The following ANGPT1 variants were observed in gnomAD, a reference collection of about 807,000 sequenced individuals.
The protein encoded by ANGPT1 is angiopoietin 1, also known as angiopoietin-1.
ANGPT1 carries 17 observed loss-of-function variants against 62.2 expected under a neutral mutation model. That is an observed-to-expected ratio of 0.27 (90% CI 0.19 to 0.41). ANGPT1 has a LOEUF of 0.41. ANGPT1 is among the 10% of genes least tolerant of loss of function. ANGPT1 has a pLI of 1.00. For missense variants in ANGPT1, 478 were observed against 594.9 expected (o/e 0.80, Z 2.04); for synonymous variants, 199 against 198.9 (o/e 1.00, Z 0.00).
chr8:107,348,125 C>G (rs1233337308), intron 1 of ANGPT1, among the ~76,000 whole-genome samples: 2 of 152,160 alleles, frequency 1.3e-5, no homozygotes, highest in Non-Finnish European at 2.9e-5. Flanking sequence ...ACCACAAAAT[C>G]AGCCAGACTT....
intron 1 of ANGPT1, among the ~76,000 whole-genome samples, chr8:107,371,989 A>T (rs992637688): frequency 1.3e-5 from 2 of 152,162 alleles, no homozygotes; most frequent in Admixed American, 1.3e-4. Flanking sequence ...ATCATTGAAA[A>T]TATATGTATC....
chr8:107,365,856 A>AAC (rs10627552), intron 1 of ANGPT1, among the ~76,000 whole-genome samples: 14,822 of 146,986 alleles, frequency 0.1, 806 homozygotes, highest in African/African-American at 0.13. Flanking sequence ...AAACAAATAC[A>AAC]ACACACACAC....
chr8:107,489,620 T>A (rs1174391604), intron 1 of ANGPT1, among the ~76,000 whole-genome samples: 1 of 152,188 alleles, frequency 6.6e-6, no homozygotes. Flanking sequence ...TTATTTCGAA[T>A]TAGATAACAG....
chr8:107,360,828 G>C (rs1343996701), intron 1 of ANGPT1, among the ~76,000 whole-genome samples: 1 of 152,040 alleles, frequency 6.6e-6, no homozygotes, highest in Non-Finnish European at 1.5e-5. Flanking sequence ...CCACTCTCAC[G>C]CTTAGAAATA....
intron 4 of ANGPT1, among the ~76,000 whole-genome samples, chr8:107,321,438 T>G (rs951667299): frequency 6.6e-6 from 1 of 152,164 alleles, no homozygotes; most frequent in East Asian, 1.9e-4. Flanking sequence ...TCCGTTTCTC[T>G]GCAACCCACA....
intron 1 of ANGPT1, among the ~76,000 whole-genome samples, chr8:107,384,164 C>T (rs1816690577): frequency 1.3e-5 from 2 of 152,042 alleles, no homozygotes; most frequent in Non-Finnish European, 2.9e-5. Context: ...TTGAATGATT[C>T]GTTTGACTCA....
At chr8:107,412,128 A>G (rs1810597802) in intron 1 of ANGPT1, among the ~76,000 whole-genome samples, 1 of 152,140 alleles carries the variant, frequency 6.6e-6, no homozygotes, top group Non-Finnish European at 1.5e-5. Flanking sequence ...GATATTGCAA[A>G]ATAGCCCAAG....
At chr8:107,316,003 C>T (rs1815005028) in intron 4 of ANGPT1, among the ~76,000 whole-genome samples, 1 of 152,176 alleles carries the variant, frequency 6.6e-6, no homozygotes, top group African/African-American at 2.4e-5. Context: ...ATATCCCAAA[C>T]TAAAACTCAC....
intron 1 of ANGPT1, among the ~76,000 whole-genome samples, chr8:107,374,797 A>G (rs958111061): frequency 6.6e-6 from 1 of 152,120 alleles, no homozygotes; most frequent in Non-Finnish European, 1.5e-5. Context: ...GGAGAAACCT[A>G]CTCTTCACTG....
chr8:107,359,816 C>T (rs1028733588), intron 1 of ANGPT1, among the ~76,000 whole-genome samples: 5 of 152,098 alleles, frequency 3.3e-5, no homozygotes, highest in South Asian at 2.1e-4. Flanking sequence ...CTCTGGCTGA[C>T]GGGAATACAG....
intron 2 of ANGPT1, among the ~76,000 whole-genome samples, chr8:107,344,589 TAGA>T (rs1180624745): frequency 6.6e-6 from 1 of 152,224 alleles, no homozygotes; most frequent in East Asian, 1.9e-4. Context: ...GTCATAAATC[TAGA>T]AGGTCAGCAG....
intron 1 of ANGPT1, among the ~76,000 whole-genome samples, chr8:107,436,794 T>C (rs991747793): frequency 7.9e-5 from 12 of 152,198 alleles, no homozygotes; most frequent in Non-Finnish European, 1.8e-4. Flanking sequence ...AAAGTGCTCG[T>C]ACTGGGACAA....
At chr8:107,476,587 T>TAATAAATA (rs201326087) in intron 1 of ANGPT1, among the ~76,000 whole-genome samples, 2,633 of 151,804 alleles carry the variant, frequency 0.017, 25 homozygotes, top group Non-Finnish European at 0.028. Context: ...TAAAGTATAA[T>TAATAAATA]AATAAATAAA....
At chr8:107,366,422 A>T (rs920641502) in intron 1 of ANGPT1, among the ~76,000 whole-genome samples, 1 of 152,232 alleles carries the variant, frequency 6.6e-6, no homozygotes, top group Non-Finnish European at 1.5e-5. Context: ...TGGTTAAATT[A>T]GCACAAAAGT....
intron 6 of ANGPT1, among the ~76,000 whole-genome samples, chr8:107,291,201 T>C (rs1312565032): frequency 1.3e-5 from 2 of 152,202 alleles, no homozygotes; most frequent in African/African-American, 2.4e-5. Flanking sequence ...GATGTTTTCA[T>C]CTTGGATAAT....
intron 1 of ANGPT1, among the ~76,000 whole-genome samples, chr8:107,350,419 T>TTACTAG (rs1815907072): frequency 6.6e-6 from 1 of 152,122 alleles, no homozygotes; most frequent in Non-Finnish European, 1.5e-5. Flanking sequence ...ATAACAATCA[T>TTACTAG]GTACCCTAGT....
intron 1 of ANGPT1, among the ~76,000 whole-genome samples, chr8:107,463,992 TC>T (rs1208461223): frequency 2.0e-5 from 3 of 152,158 alleles, no homozygotes; most frequent in African/African-American, 7.2e-5. Flanking sequence ...TTTGAAAGAT[TC>T]TGGGACTTAA....
intron 1 of ANGPT1, among the ~76,000 whole-genome samples, chr8:107,358,932 G>C (rs1032270542): frequency 6.6e-6 from 1 of 151,942 alleles, no homozygotes; most frequent in Non-Finnish European, 1.5e-5. Flanking sequence ...TAAAATCAAG[G>C]TCCCACAATC....
chr8:107,448,493 G>A (rs983662001), intron 1 of ANGPT1, among the ~76,000 whole-genome samples: 5 of 152,106 alleles, frequency 3.3e-5, no homozygotes, highest in African/African-American at 1.2e-4. Flanking sequence ...AAATTTCAGA[G>A]GATTGCTAAG....
Sources: allele counts gnomAD v4.1 joint callset (sites outside exome capture counted in the v4.1 genomes callset), GRCh38; gene constraint gnomAD v4.1.1; transcripts MANE v1.5; gene names NCBI Gene and HGNC (gene_info 2026-07-23, HGNC 2026-07-21).